The following RCOR1 variants were observed in gnomAD, a reference collection of about 807,000 sequenced individuals.
RCOR1 encodes REST corepressor.
In RCOR1, 12 loss-of-function variants were observed where a neutral mutation model predicts 64.0. The ratio of observed to expected loss-of-function variants is 0.19; its 90% CI spans 0.12 to 0.30. The LOEUF is 0.30. RCOR1 is among the 10% of genes least tolerant of loss of function. The probability of loss-of-function intolerance (pLI) is 1.00; values close to 1 mark genes in which losing one functional copy is unlikely to be tolerated. For synonymous variants in RCOR1, 279 were observed against 227.2 expected, an observed-to-expected ratio of 1.23 and a Z score of -2.05; for missense variants, 502 against 621.2, an observed-to-expected ratio of 0.81 and a Z score of 2.04.
chr14:102,677,111 C>A (rs77093548), intron 2 of RCOR1, among the ~76,000 whole-genome samples: 82 of 94,572 alleles, frequency 8.7e-4, no homozygotes, highest in South Asian at 1.7e-3. Flanking sequence ...GCGGCCGGGC[C>A]GAGGAGCCCC....
intron 2 of RCOR1, among the ~76,000 whole-genome samples, chr14:102,651,343 A>C (rs760615411): frequency 2.6e-5 from 4 of 152,126 alleles, no homozygotes; most frequent in Non-Finnish European, 4.4e-5. Context: ...TCATGAGGTC[A>C]GGAGGTTGAG....
chr14:102,708,517 A>G lies in RCOR1; in HGVS notation c.713A>G (p.Lys238Arg), dbSNP rs1008703413. 2.5e-6 allele frequency: 4 copies of G among 1,612,468 alleles called. No individual in the cohort carries two copies. The highest frequency in any genetic ancestry group is 1.3e-5 in the African/African-American group (1 of 74,914). Residue 238 changes from lysine to arginine, a missense_variant, in exon 6 of 12, where the codon AAG (lysine) becomes AGG (arginine). Lys to Arg is a conservative substitution (Grantham distance 26). This residue lies in a region of RCOR1 where 260 missense variants were observed against 416.4 expected (regional missense o/e 0.62). Transcript: ENST00000262241. ...GTGAAATTTTACTATTCTTGGAAGA[A>G]GACGAGGACTAAAACTAGTGTGATG... The part of the protein sequence containing the change: ...SLVKFYYSWK[K>R]TRTKTSVMDR...
chr14:102,672,426 A>G (rs1229983791), intron 2 of RCOR1, among the ~76,000 whole-genome samples: 1 of 151,852 alleles, frequency 6.6e-6, no homozygotes, highest in African/African-American at 2.4e-5. Context: ...GTTAGCCAGG[A>G]TGGTCTCCAT....
At chr14:102,618,454 A>G (rs1893807720) in intron 2 of RCOR1, among the ~76,000 whole-genome samples, 1 of 151,710 alleles carries the variant, frequency 6.6e-6, no homozygotes, top group African/African-American at 2.4e-5. Context: ...TTCAGGGGGA[A>G]AAAAAAAGCG....
intron 3 of RCOR1, among the ~76,000 whole-genome samples, chr14:102,684,596 T>TA (rs2139963591): frequency 6.6e-6 from 1 of 152,204 alleles, no homozygotes; most frequent in East Asian, 1.9e-4. Flanking sequence ...AACAAACACT[T>TA]ACCTAAAAGT....
chr14:102,687,564 A>G (rs370780962), intron 3 of RCOR1, among the ~76,000 whole-genome samples: 52 of 152,358 alleles, frequency 3.4e-4, no homozygotes, highest in African/African-American at 1.1e-3. Context: ...ATAATTCCCA[A>G]TAACATAGAT....
rs946852055 is a variant in RCOR1 at position 102,714,415 on chromosome 14, T to A, written c.859-8T>A. 1 of 1,584,506 alleles carries A rather than the reference T, an allele frequency of 6.3e-7. No homozygotes were observed. Among genetic ancestry groups the A allele is most frequent in the South Asian group, 1.1e-5 (1 of 88,414 alleles). On this transcript the variant is annotated splice_region_variant and splice_polypyrimidine_tract_variant and intron_variant, in intron 7 of 11. Transcript: ENST00000262241. The stretch of plus-strand genomic sequence containing the variant: ...AAGTTTCATTCATCACCTGTGTATA[T>A]CATGCAGGTTCCCCCTACTGAGACA...
rs79380422 is a variant in RCOR1 at position 102,691,088 on chromosome 14, C to T, written c.445+9110C>T. Among the ~76,000 whole-genome samples, 22 of 152,310 alleles carry T rather than the reference C, an allele frequency of 1.4e-4. 1 individual carries two copies. In the East Asian group the frequency reaches 2.3e-3, roughly 16 times the overall value. ...CTTGCACAACTGCTTGTGTACCAAG[C>T]GCTAGCAGGCACTGGCGAAATACAC... On this transcript the variant is annotated intron_variant, in intron 3 of 11. Coordinates refer to ENST00000262241, the MANE Select transcript of RCOR1 (RefSeq NM_015156.4).
At chr14:102,687,014 C>T (rs907029309) in intron 3 of RCOR1, among the ~76,000 whole-genome samples, 3 of 152,112 alleles carry the variant, frequency 2.0e-5, no homozygotes, top group African/African-American at 4.8e-5. Flanking sequence ...TATATTTATT[C>T]TTTTAGGTGA....
chr14:102,664,409 C>T (rs1487712521), intron 2 of RCOR1, among the ~76,000 whole-genome samples: 2 of 152,208 alleles, frequency 1.3e-5, no homozygotes, highest in African/African-American at 4.8e-5. Context: ...GCCACCATGC[C>T]TGGCTTTGAG....
intron 2 of RCOR1, among the ~76,000 whole-genome samples, chr14:102,603,301 G>C (rs1473400689): frequency 6.6e-6 from 1 of 151,824 alleles, no homozygotes; most frequent in Non-Finnish European, 1.5e-5. Flanking sequence ...TAAGAAAAGA[G>C]TGTCTTTTTA....
rs769670360 is a variant in RCOR1 at position 102,592,956 on chromosome 14, TCCGCCTCCGCCGCCG to T, written c.88_102del (p.Ala30_Ala34del). The T allele has an allele frequency of 3.1e-4, 368 of 1,174,254 alleles. No homozygotes were observed. Among genetic ancestry groups the T allele is most frequent in the South Asian group, 5.6e-4 (20 of 35,726 alleles). The allele number at this position is 1,174,254 out of a possible 1,614,324, so 72.7% of individuals were successfully genotyped here. On this transcript the variant is annotated inframe_deletion, in exon 1 of 12. Coordinates refer to ENST00000262241, the MANE Select transcript of RCOR1 (RefSeq NM_015156.4). ...GAGAGGGAGGAACAACGCGGCCGCC[TCCGCCTCCGCCGCCG>T]CCGCCTCCGCCGCCGCCTCGGCCGC...
Position 102,714,639 on chromosome 14 carries a change from G to A in RCOR1, c.1053+22G>A, listed in dbSNP as rs1449969483. On this transcript the variant is annotated intron_variant, in intron 8 of 11. Transcript: ENST00000262241. ...ACAGGTACTCATAAGCCTGGTCTTG[G>A]ATGTAAAAGAATTAATTAGCACTTT... 3.2e-6 allele frequency: 5 copies of A among 1,544,298 alleles called. No homozygotes were observed. In the African/African-American group the frequency reaches 5.5e-5, roughly 17 times the overall value.
At chr14:102,672,633 C>G (rs1349590480) in intron 2 of RCOR1, among the ~76,000 whole-genome samples, 6 of 152,202 alleles carry the variant, frequency 3.9e-5, no homozygotes, top group Non-Finnish European at 8.8e-5. Flanking sequence ...GGAAGATACT[C>G]AGATGGCCAA....
chr14:102,638,802 A>C (rs1440627911), intron 2 of RCOR1, among the ~76,000 whole-genome samples: 1 of 151,988 alleles, frequency 6.6e-6, no homozygotes, highest in African/African-American at 2.4e-5. Context: ...AGCTGAGATT[A>C]CAGGTGCGAA....
intron 2 of RCOR1, among the ~76,000 whole-genome samples, chr14:102,621,064 A>G (rs1893861507): frequency 1.3e-5 from 2 of 152,192 alleles, no homozygotes. Context: ...GCATTTCCTG[A>G]GCCCAAGCTA....
Position 102,657,837 on chromosome 14 carries a change from CAAAAAAAAA to C in RCOR1, c.362-24045_362-24037del, listed in dbSNP as rs142321380. 1.1e-5 allele frequency: 9 copies of C among 844,254 alleles called. No homozygotes were observed. The Admixed American group carries it at 7.5e-4, about 70-fold the overall frequency. The allele number at this position is 844,254 out of a possible 1,614,324, so 52.3% of individuals were successfully genotyped here. A position where few individuals can be genotyped will look rare whatever the true frequency, so the allele number is the denominator to read the frequency against. On this transcript the variant is annotated intron_variant, in intron 2 of 11. Transcript: ENST00000262241. ...TGGGCGACAGAGTGAGACTCCGTCT[CAAAAAAAAA>C]AAAAAAAAAAAAGAAGATTGAATTA...
At chr14:102,623,426 T>A (rs1013026993) in intron 2 of RCOR1, among the ~76,000 whole-genome samples, 3 of 130,700 alleles carry the variant, frequency 2.3e-5, no homozygotes, top group South Asian at 4.6e-4. Flanking sequence ...TTATTTATTT[T>A]GAGACGGAGT....
At chr14:102,706,923 C>T (rs1350744139) in intron 4 of RCOR1, among the ~76,000 whole-genome samples, 1 of 151,582 alleles carries the variant, frequency 6.6e-6, no homozygotes, top group Non-Finnish European at 1.5e-5. Context: ...CATATGTTGC[C>T]ATACTTAACA....
Sources: allele counts gnomAD v4.1 joint callset (sites outside exome capture counted in the v4.1 genomes callset), GRCh38; gene constraint gnomAD v4.1.1; regional missense constraint gnomAD v4.1.1; transcripts MANE v1.5; gene names NCBI Gene and HGNC (gene_info 2026-07-23, HGNC 2026-07-21).